The following LARGE1 variants were observed in gnomAD, a reference collection of about 807,000 sequenced individuals.
LARGE1 encodes LARGE xylosyl- and glucuronyltransferase 1.
LARGE1 carries 43 observed loss-of-function variants against 87.6 expected under a neutral mutation model. The ratio of observed to expected loss-of-function variants is 0.49; its 90% CI spans 0.38 to 0.63. LARGE1 has a LOEUF of 0.63. Ranked by LOEUF, LARGE1 falls within the 30% of genes least tolerant of loss-of-function variation. The pLI is 0.00. For synonymous variants in LARGE1, 434 were observed against 394.6 expected, an observed-to-expected ratio of 1.10 and a Z score of -1.18; for missense variants, 802 against 1,000.2, an observed-to-expected ratio of 0.80 and a Z score of 2.67.
At chr22:33,296,567 T>G (rs1933292317) in intron 12 of LARGE1, among the ~76,000 whole-genome samples, 1 of 144,698 alleles carries the variant, frequency 6.9e-6, no homozygotes, top group African/African-American at 2.7e-5. Context: ...CTTTTTTCTT[T>G]TCTTTTTTTT....
intron 2 of LARGE1, among the ~76,000 whole-genome samples, chr22:33,669,082 G>T (rs1489491409): frequency 6.6e-6 from 1 of 152,216 alleles, no homozygotes; most frequent in African/African-American, 2.4e-5. Context: ...TGGAGAAAAG[G>T]CTCCCCTTGC....
At chr22:33,443,303 C>T (rs1478643309) in intron 6 of LARGE1, among the ~76,000 whole-genome samples, 2 of 152,178 alleles carry the variant, frequency 1.3e-5, no homozygotes, top group African/African-American at 2.4e-5. Context: ...GAAACATCTG[C>T]AAAGCATTTC....
intron 6 of LARGE1, among the ~76,000 whole-genome samples, chr22:33,529,208 C>G (rs2072072177): frequency 6.6e-6 from 1 of 152,246 alleles, no homozygotes; most frequent in East Asian, 1.9e-4. Context: ...ATGGTGAGCC[C>G]TCTCTAATCC....
chr22:33,579,180 C>T (rs1016559316), intron 5 of LARGE1, among the ~76,000 whole-genome samples: 2 of 152,152 alleles, frequency 1.3e-5, no homozygotes, highest in Non-Finnish European at 2.9e-5. Context: ...GTAATTGAAT[C>T]ATGGGGGCAA....
intron 1 of LARGE1, among the ~76,000 whole-genome samples, chr22:33,806,734 G>A (rs111379750): frequency 0.072 from 10,902 of 152,170 alleles, 511 homozygotes; most frequent in Admixed American, 0.11. Context: ...TTCCTTGGCC[G>A]GGCGTGATGG....
At chr22:33,363,613 C>A (rs563036821) in intron 9 of LARGE1, among the ~76,000 whole-genome samples, 2 of 149,578 alleles carry the variant, frequency 1.3e-5, no homozygotes, top group Non-Finnish European at 3.0e-5. Flanking sequence ...GTATCACGTA[C>A]CTAACTCCAT....
intron 3 of LARGE1, among the ~76,000 whole-genome samples, chr22:33,628,318 C>CTTT (rs35066040): frequency 1.5e-5 from 2 of 132,966 alleles, no homozygotes; most frequent in Non-Finnish European, 1.6e-5. Flanking sequence ...ACTGTTTTTG[C>CTTT]TTTTTTTTTT....
chr22:33,884,563 C>A (rs370602737), intron 1 of LARGE1, among the ~76,000 whole-genome samples: 42 of 152,290 alleles, frequency 2.8e-4, no homozygotes, highest in African/African-American at 9.9e-4. Context: ...TGTGGGAGAC[C>A]GGGCAAGACC....
At chr22:33,137,768 G>T in the LARGE1 span, among the ~76,000 whole-genome samples, 4 of 152,230 alleles carry the variant, frequency 2.6e-5, no homozygotes, top group African/African-American at 9.6e-5. Context: ...CCAAGCCTTG[G>T]CAGCTTCCAA....
chr22:33,390,227 G>A (rs573635747), intron 7 of LARGE1, among the ~76,000 whole-genome samples: 1 of 152,284 alleles, frequency 6.6e-6, no homozygotes, highest in South Asian at 2.1e-4. Context: ...ATCCAAAGCA[G>A]ACAAAAACAT....
intron 11 of LARGE1, among the ~76,000 whole-genome samples, chr22:33,245,607 C>G (rs541904883): frequency 6.6e-6 from 1 of 152,294 alleles, no homozygotes. Flanking sequence ...TTTCAAACGT[C>G]TTTTGAAAGC....
chr22:33,556,251 C>T (rs1602411727), intron 6 of LARGE1, among the ~76,000 whole-genome samples: 2 of 152,042 alleles, frequency 1.3e-5, no homozygotes, highest in South Asian at 4.1e-4. Flanking sequence ...ACCAGCCTGG[C>T]TTCAGCCCAG....
In LARGE1 at chr22:33,789,543, C is replaced by G. The variant is rs531915369; in HGVS notation, c.-82-27985G>C. On this transcript the variant is annotated intron_variant, in intron 1 of 14. Transcript: ENST00000397394. ...ATGGTAGATCCAGCAACAGCTTGCACCAAGCCTCAGGCACTCAACACCAGC... is the reference window on the plus strand; with the variant it reads ...ATGGTAGATCCAGCAACAGCTTGCAGCAAGCCTCAGGCACTCAACACCAGC... Among the ~76,000 whole-genome samples the G allele has an allele frequency of 8.5e-5, 13 of 152,236 alleles. 1 individual carries two copies. In the South Asian group the frequency reaches 2.5e-3, roughly 29 times the overall value.
rs141124250 is a variant in LARGE1, at chr22:33,276,540, A to G, written c.2073+520T>C. Among the ~76,000 whole-genome samples the G allele has an allele frequency of 6.5e-3, 988 of 152,372 alleles. 18 individuals carry two copies. Among genetic ancestry groups the G allele is most frequent in the African/African-American group, 0.023 (947 of 41,584 alleles). ...TACTAGAATTCTGTAGAAGATTCATACTTTGAAGTAGGAGCTCAATACGTA... is the reference window on the plus strand; with the variant it reads ...TACTAGAATTCTGTAGAAGATTCATGCTTTGAAGTAGGAGCTCAATACGTA... On this transcript the variant is annotated intron_variant, in intron 14 of 14. Transcript: ENST00000397394.
At chr22:33,655,974 C>T (rs1410320162) in intron 2 of LARGE1, among the ~76,000 whole-genome samples, 1 of 152,072 alleles carries the variant, frequency 6.6e-6, no homozygotes, top group Non-Finnish European at 1.5e-5. Context: ...CTTCCACTTA[C>T]TAATAAATAA....
intron 7 of LARGE1, among the ~76,000 whole-genome samples, chr22:33,416,511 T>C (rs930935432): frequency 1.3e-5 from 2 of 152,282 alleles, no homozygotes; most frequent in Admixed American, 1.3e-4. Context: ...AATCTTCTGA[T>C]TTTTGGCTCT....
At chr22:33,378,605 C>A (rs2065060363) in intron 9 of LARGE1, among the ~76,000 whole-genome samples, 1 of 152,180 alleles carries the variant, frequency 6.6e-6, no homozygotes, top group Non-Finnish European at 1.5e-5. Flanking sequence ...TTGAGAAAAA[C>A]CACTGTTTTT....
At chr22:33,612,964 G>T (rs1360272030) in intron 4 of LARGE1, among the ~76,000 whole-genome samples, 2 of 152,210 alleles carry the variant, frequency 1.3e-5, no homozygotes, top group Non-Finnish European at 2.9e-5. Context: ...CTTCTGTCCA[G>T]AAGGCAGAGT....
At position 33,777,429 on chromosome 22, in the gene LARGE1, G is replaced by C. The variant is rs139059965; in HGVS notation, c.-82-15871C>G. 7.8e-3 allele frequency among the ~76,000 whole-genome samples: 1,184 copies of C among 152,170 alleles called. 18 individuals carry two copies. The highest frequency in any genetic ancestry group is 0.027 in the African/African-American group (1,122 of 41,502). ...GAGATTGGATGATCCCTTGAGCCTA[G>C]GAGTTCAAGACCAGCCTGGGCTACA... is the stretch of plus-strand genomic sequence containing the variant. On this transcript the variant is annotated intron_variant, in intron 1 of 14. Transcript: ENST00000397394.
Sources: gnomAD v4.1 joint callset for allele counts (sites outside exome capture counted in the v4.1 genomes callset) on GRCh38, gnomAD v4.1.1 for gene constraint, MANE v1.5 for transcripts, NCBI Gene and HGNC (gene_info 2026-07-23, HGNC 2026-07-21) for gene names.